The following CLPB variants were observed in gnomAD, a reference collection of about 807,000 sequenced individuals.
The protein encoded by CLPB is ClpB family mitochondrial disaggregase, also known as mitochondrial disaggregase.
Under a neutral mutation model 78.4 loss-of-function variants are expected in CLPB, and 40 were observed. The ratio of observed to expected loss-of-function variants is 0.51; its 90% CI spans 0.40 to 0.66. The LOEUF (loss-of-function observed/expected upper bound fraction) is 0.66. Among genes scored for constraint, CLPB ranks in the 30% least tolerant of loss-of-function variants. The probability of loss-of-function intolerance (pLI) is 0.00; values close to 1 mark genes in which losing one functional copy is unlikely to be tolerated. For synonymous variants in CLPB, 333 were observed against 348.0 expected (o/e 0.96, Z 0.48); for missense variants, 780 against 886.9 (o/e 0.88, Z 1.53).
chr11:72,300,825 C>T lies in CLPB; in HGVS notation c.1329+978G>A, dbSNP rs114669564. On this transcript the variant is annotated intron_variant, in intron 11 of 15. Coordinates refer to ENST00000538039, the MANE Select transcript of CLPB (RefSeq NM_001258392.3). ...CATGAGAGAAGAGAGGCCTCATCCC[C>T]GGTTCAGTCCTTGGCTCCTCACGCT... 8.0e-3 allele frequency among the ~76,000 whole-genome samples: 1,214 copies of T among 152,288 alleles called. 15 individuals are homozygous for T. The highest frequency in any genetic ancestry group is 0.028 in the African/African-American group (1,154 of 41,552).
rs1417819648 is a variant in CLPB at position 72,428,130 on chromosome 11, T to TC, written c.455+2181dup. 2.0e-5 allele frequency among the ~76,000 whole-genome samples: 3 copies of TC among 151,990 alleles called. No individual in the cohort carries two copies. In the East Asian group the frequency reaches 5.8e-4, roughly 29 times the overall value. ...ACCAGGGCCTGGGTCACCATCCCCA[T>TC]CCCCCATCTGCAGTGCCCAGCAGAG... is the stretch of plus-strand genomic sequence containing the variant. On this transcript the variant is annotated intron_variant, in intron 2 of 15. Transcript: ENST00000538039.
chr11:72,325,243 C>T (rs1382825184), intron 6 of CLPB, among the ~76,000 whole-genome samples: 2 of 152,152 alleles, frequency 1.3e-5, no homozygotes, highest in Non-Finnish European at 2.9e-5. Context: ...ATTAAACTCT[C>T]CATCTATTGA....
chr11:72,300,516 G>A (rs534251478), intron 11 of CLPB, among the ~76,000 whole-genome samples: 1 of 152,296 alleles, frequency 6.6e-6, no homozygotes, highest in African/African-American at 2.4e-5. Context: ...CCTCAGCAGA[G>A]GTTCAGGGGC....
chr11:72,297,346 C>T (rs1481083417), intron 11 of CLPB, among the ~76,000 whole-genome samples: 1 of 152,232 alleles, frequency 6.6e-6, no homozygotes, highest in African/African-American at 2.4e-5. Flanking sequence ...TGTGCATCAA[C>T]CGAGCTAGCT....
Position 72,302,294 on chromosome 11 carries a change from C to T in CLPB, c.1167+10G>A, listed in dbSNP as rs1383113372. On this transcript the variant is annotated intron_variant, in intron 10 of 15. Coordinates refer to ENST00000538039, the MANE Select transcript of CLPB (RefSeq NM_001258392.3). ...AAACCATGCTTCAATCAAGGACTGT[C>T]ATCACTCACCTCGTGTCGCTCCTGG... 2 of 1,614,026 alleles carry T rather than the reference C, an allele frequency of 1.2e-6. No homozygotes were observed. The highest frequency in any genetic ancestry group is 3.3e-5 in the Admixed American group (2 of 60,030).
In CLPB at chr11:72,294,730, T is replaced by C. The variant is rs200278289; in HGVS notation, c.1487-37A>G. ...AATCATAAACTGCTTATTCCCCACA[T>C]TCAGGGAACTTTGGGGGCTGTGCCT... On this transcript the variant is annotated intron_variant, in intron 12 of 15. Transcript: ENST00000538039. The C allele has an allele frequency of 1.3e-5, 20 of 1,562,912 alleles. No homozygotes were observed. The Admixed American group carries it at 2.7e-4, about 21-fold the overall frequency.
chr11:72,417,635 T>C (rs1856062151), intron 2 of CLPB, among the ~76,000 whole-genome samples: 1 of 152,206 alleles, frequency 6.6e-6, no homozygotes, highest in African/African-American at 2.4e-5. Context: ...AGAATGAATG[T>C]ATATTCAGTC....
At chr11:72,386,809 T>C (rs1368183669) in intron 3 of CLPB, among the ~76,000 whole-genome samples, 1 of 152,214 alleles carries the variant, frequency 6.6e-6, no homozygotes. Flanking sequence ...GCAGCTAAAA[T>C]CTATGTCTAA....
At chr11:72,294,284 G>T in intron 14 of CLPB, 41 bp downstream of exon 14, 5 of 1,614,050 alleles carry the variant, frequency 3.1e-6, no homozygotes, top group Non-Finnish European at 4.2e-6. Flanking sequence ...ATTTCCAGTG[G>T]CTGGCTATCC....
rs1237988597 is a variant in CLPB at position 72,371,563 on chromosome 11, TAAAATAAAATAAA to T, written c.646+8705_646+8717del. ...TAAAATAAAATAAAATAAAATAAAA[TAAAATAAAATAAA>T]ATAAAATAAAATAAAAGTTGTGTAG... On this transcript the variant is annotated intron_variant, in intron 4 of 15. Coordinates refer to ENST00000538039, the MANE Select transcript of CLPB (RefSeq NM_001258392.3). Among the ~76,000 whole-genome samples, 3 of 150,058 alleles carry T rather than the reference TAAAATAAAATAAA, an allele frequency of 2.0e-5. No homozygotes were observed. In the East Asian group the frequency reaches 5.9e-4, roughly 29 times the overall value.
rs1397925253 is a variant in CLPB at position 72,434,207 on chromosome 11, G to A, written c.268C>T (p.Arg90Cys). The A allele has an allele frequency of 6.2e-7, 1 of 1,613,410 alleles. No individual in the cohort carries two copies. The highest frequency in any genetic ancestry group is 2.2e-5 in the East Asian group (1 of 44,884). ...TKCLAAATWG[R>C]LPGPEETLPG... is the part of the protein sequence containing the mutation. ...AGTGTTTCTTCGGGACCAGGAAGGC[G>A]TCCCCAAGTGGCAGCCGCGAGGCAT... is the stretch of plus-strand genomic sequence containing the variant. The change falls in exon 1 of 16, where the codon CGC (arginine) becomes TGC (cysteine). Residue 90 changes from arginine to cysteine, a missense_variant. Transcript: ENST00000538039.
intron 5 of CLPB, among the ~76,000 whole-genome samples, chr11:72,336,284 C>T (rs1950320654): frequency 6.6e-6 from 1 of 152,100 alleles, no homozygotes; most frequent in South Asian, 2.1e-4. Flanking sequence ...ATGTGTCGGC[C>T]TATTATGATT....
intron 1 of CLPB, among the ~76,000 whole-genome samples, chr11:72,433,594 G>C (rs928250184): frequency 9.5e-5 from 14 of 147,768 alleles, no homozygotes; most frequent in African/African-American, 3.2e-4. Context: ...TAAATAAATT[G>C]AGGTCAAGCT....
At chr11:72,405,861 G>C (rs986563174) in intron 2 of CLPB, among the ~76,000 whole-genome samples, 4 of 151,884 alleles carry the variant, frequency 2.6e-5, no homozygotes, top group Non-Finnish European at 5.9e-5. Context: ...CTGGGAGGCG[G>C]AGCTTGCAGT....
In CLPB at chr11:72,317,147, T is replaced by G. The variant is rs951164251; in HGVS notation, c.947A>C (p.His316Pro). The stretch of plus-strand genomic sequence containing the variant: ...GATGGCGCTCTCCTGGCCAATGATG[T>G]GCTCCTTTAGTCGCTGCTCCAGGGG... ...RFPLEQRLKE[H>P]IIGQESAIAT... is the part of the protein sequence containing the mutation. The change falls in exon 7 of 16, where the codon CAC becomes CCC. Residue 316 changes from histidine (H) to proline (P), a missense_variant. His to Pro is a moderately conservative substitution (Grantham distance 77). This residue lies in a region of CLPB where 417 missense variants were observed against 414.7 expected (regional missense o/e 1.01). Transcript: ENST00000538039. 1.2e-6 allele frequency: 2 copies of G among 1,612,502 alleles called. No homozygotes were observed. The highest frequency in any genetic ancestry group is 2.2e-5 in the South Asian group (2 of 90,854).
intron 5 of CLPB, among the ~76,000 whole-genome samples, chr11:72,349,896 A>T (rs1170711877): frequency 6.6e-6 from 1 of 152,160 alleles, no homozygotes; most frequent in Admixed American, 6.5e-5. Context: ...CACCCAAGGG[A>T]GCCTTGGCCT....
intron 7 of CLPB, 81 bp from the exon 8 acceptor site, chr11:72,308,685 A>G: frequency 8.1e-7 from 1 of 1,230,892 alleles, no homozygotes; most frequent in Middle Eastern, 1.9e-4. Flanking sequence ...AATTATCACT[A>G]AGTATACAAT....
In CLPB at chr11:72,315,332, C is replaced by T. The variant is rs113221724; in HGVS notation, c.988+1774G>A. 9.9e-3 allele frequency among the ~76,000 whole-genome samples: 1,515 copies of T among 152,276 alleles called. 27 individuals are homozygous for T. The highest frequency in any genetic ancestry group is 0.056 in the East Asian group (291 of 5,178). On this transcript the variant is annotated intron_variant, in intron 7 of 15. Coordinates refer to ENST00000538039, the MANE Select transcript of CLPB (RefSeq NM_001258392.3). ...GTGGGGCTTAGAGGTGCTGAGCTCC[C>T]AGGAAGTCTGCCCAACAGGGCAGGC...
At chr11:72,354,180 C>T in intron 5 of CLPB, 2 of 372,488 alleles carry the variant, frequency 5.4e-6, no homozygotes, top group Non-Finnish European at 9.4e-6. Flanking sequence ...CATGCTCTTC[C>T]CTTGCAACCT....
Sources: allele counts gnomAD v4.1 joint callset (sites outside exome capture counted in the v4.1 genomes callset), GRCh38; gene constraint gnomAD v4.1.1; regional missense constraint gnomAD v4.1.1; transcripts MANE v1.5; gene names NCBI Gene and HGNC (gene_info 2026-07-23, HGNC 2026-07-21).